The following ACTR3C variants were observed in gnomAD, a reference collection of about 807,000 sequenced individuals.
The protein encoded by ACTR3C is actin-related protein 3C.
A neutral mutation model predicts 26.3 loss-of-function variants in ACTR3C; 18 were observed. The ratio of observed to expected loss-of-function variants is 0.68; its 90% CI spans 0.47 to 1.01. The LOEUF (loss-of-function observed/expected upper bound fraction) is 1.01, where lower values mean the gene tolerates loss of function less well. Among genes scored for constraint, ACTR3C ranks in the 50% least tolerant of loss-of-function variants. The pLI, the probability that ACTR3C is intolerant of heterozygous loss-of-function variation, is 0.00. For missense variants in ACTR3C, 184 were observed against 250.7 expected, an observed-to-expected ratio of 0.73 and a Z score of 1.80; for synonymous variants, 55 against 94.5, an observed-to-expected ratio of 0.58 and a Z score of 2.42.
the ACTR3C span, among the ~76,000 whole-genome samples, chr7:150,135,700 A>G: frequency 1.3e-5 from 2 of 152,086 alleles, no homozygotes; most frequent in African/African-American, 4.8e-5. Flanking sequence ...ACTGTATTGT[A>G]TGAGGAAACT....
chr7:150,311,412 A>T (rs900391297), intron 1 of ACTR3C, among the ~76,000 whole-genome samples: 1 of 152,096 alleles, frequency 6.6e-6, no homozygotes, highest in African/African-American at 2.4e-5. Flanking sequence ...CCTCACAATC[A>T]CAAGCTATGC....
the ACTR3C span, among the ~76,000 whole-genome samples, chr7:150,056,691 C>G: frequency 1.3e-5 from 2 of 149,934 alleles, no homozygotes; most frequent in Non-Finnish European, 3.0e-5. Flanking sequence ...CCTGTTTGTG[C>G]CCCGAATTTG....
chr7:149,912,755 C>A, the ACTR3C span, among the ~76,000 whole-genome samples: 2 of 152,088 alleles, frequency 1.3e-5, no homozygotes, highest in Non-Finnish European at 2.9e-5. Flanking sequence ...CCTGCCTCGG[C>A]CTCCCAAAGT....
the ACTR3C span, among the ~76,000 whole-genome samples, chr7:150,029,422 C>A: frequency 0.42 from 27,732 of 66,280 alleles, 3,735 homozygotes; most frequent in East Asian, 0.46. Flanking sequence ...AAAAAACAAA[C>A]AAAAAAAAAC....
intron 1 of ACTR3C, among the ~76,000 whole-genome samples, chr7:150,308,462 G>A (rs1405145256): frequency 6.6e-6 from 1 of 152,066 alleles, no homozygotes; most frequent in African/African-American, 2.4e-5. Context: ...CGAAAAATGG[G>A]CAAATGGTCT....
the ACTR3C span, among the ~76,000 whole-genome samples, chr7:150,147,443 A>AT: frequency 1.4e-4 from 22 of 152,288 alleles, no homozygotes; most frequent in East Asian, 1.2e-3. Context: ...TATTTCAGTG[A>AT]TTTTTTAAAT....
chr7:150,293,116 T>C (rs1277601068), intron 3 of ACTR3C, among the ~76,000 whole-genome samples, 196 bp downstream of exon 3: 1 of 151,926 alleles, frequency 6.6e-6, no homozygotes, highest in Non-Finnish European at 1.5e-5. Context: ...ATCCTTTTCA[T>C]TCTTTCCCAC....
intron 5 of ACTR3C, among the ~76,000 whole-genome samples, chr7:150,285,555 A>G (rs1414741075): frequency 6.6e-6 from 1 of 152,246 alleles, no homozygotes; most frequent in South Asian, 2.1e-4. Flanking sequence ...GTCCATTTCA[A>G]ATCAATACTA....
At chr7:150,034,097 A>G in the ACTR3C span, among the ~76,000 whole-genome samples, 2,390 of 149,018 alleles carry the variant, frequency 0.016, 42 homozygotes, top group Middle Eastern at 0.032. Context: ...CCCGCGATGC[A>G]GGTCCCAACA....
At chr7:150,064,823 G>A in the ACTR3C span, among the ~76,000 whole-genome samples, 1 of 151,894 alleles carries the variant, frequency 6.6e-6, no homozygotes, top group South Asian at 2.1e-4. Context: ...TAATATCAAG[G>A]AGAGTTGCTC....
chr7:150,098,428 A>T, the ACTR3C span, among the ~76,000 whole-genome samples: 2 of 151,860 alleles, frequency 1.3e-5, no homozygotes, highest in African/African-American at 4.9e-5. Flanking sequence ...AAAGCAGTCA[A>T]GGCTCATTGT....
At chr7:150,135,116 C>CA in the ACTR3C span, among the ~76,000 whole-genome samples, 1 of 152,070 alleles carries the variant, frequency 6.6e-6, no homozygotes, top group Non-Finnish European at 1.5e-5. Flanking sequence ...ACTAAAAATA[C>CA]AAAAAATTAG....
At chr7:149,893,620 AAT>A in the ACTR3C span, among the ~76,000 whole-genome samples, 1 of 152,250 alleles carries the variant, frequency 6.6e-6, no homozygotes, top group Non-Finnish European at 1.5e-5. Context: ...TGGCTATCAG[AAT>A]AGACATTAGA....
the ACTR3C span, among the ~76,000 whole-genome samples, chr7:150,170,661 T>C: frequency 6.7e-6 from 1 of 149,962 alleles, no homozygotes; most frequent in Admixed American, 6.6e-5. Context: ...CTAGGCATAG[T>C]CCCAGGGACC....
At chr7:150,084,385 AT>A in the ACTR3C span, among the ~76,000 whole-genome samples, 3 of 152,226 alleles carry the variant, frequency 2.0e-5, no homozygotes, top group African/African-American at 7.2e-5. Context: ...TGAAATGATA[AT>A]CTGTCAGTAT....
chr7:150,049,969 C>G, the ACTR3C span, among the ~76,000 whole-genome samples: 5 of 152,148 alleles, frequency 3.3e-5, no homozygotes, highest in African/African-American at 1.2e-4. Context: ...GTGGGGAGAG[C>G]TTCAGCTGCT....
chr7:149,929,757 C>T, the ACTR3C span, among the ~76,000 whole-genome samples: 1 of 152,108 alleles, frequency 6.6e-6, no homozygotes, highest in Non-Finnish European at 1.5e-5. Flanking sequence ...TCTCGAACTC[C>T]TGCCCTCAGG....
At chr7:150,323,257 A>T (rs541076262) in intron 1 of ACTR3C, 2 of 237,124 alleles carry the variant, frequency 8.4e-6, no homozygotes, top group Non-Finnish European at 1.7e-5. Flanking sequence ...GCGCGCGAAG[A>T]CCCCCGCAGG....
chr7:149,885,917 G>A, the ACTR3C span, among the ~76,000 whole-genome samples: 1 of 152,250 alleles, frequency 6.6e-6, no homozygotes, highest in Non-Finnish European at 1.5e-5. Context: ...GGTTGAGAGT[G>A]CAGAGTCTAC....
Sources: gnomAD v4.1 joint callset for allele counts (sites outside exome capture counted in the v4.1 genomes callset) on GRCh38, gnomAD v4.1.1 for gene constraint, MANE v1.5 for transcripts, NCBI Gene and HGNC (gene_info 2026-07-23, HGNC 2026-07-21) for gene names.